LRIG1: variants seen among roughly 807,000 people sequenced by gnomAD.
LRIG1 encodes the protein leucine rich repeats and immunoglobulin like domains 1.
In LRIG1, 48 loss-of-function variants were observed where a neutral mutation model predicts 99.2. The observed-to-expected ratio is 0.48, with a 90% confidence interval of 0.38 to 0.62. The LOEUF is 0.62. Among genes scored for constraint, LRIG1 ranks in the 20% least tolerant of loss-of-function variants. LRIG1 has a pLI of 0.00. For missense variants in LRIG1, 1,646 were observed against 1,434.4 expected (o/e 1.15, Z -2.38); for synonymous variants, 772 against 596.1 (o/e 1.29, Z -4.30).
chr3:66,385,895 G>A (rs1277392612), intron 13 of LRIG1, 86 bp downstream of exon 13: 3 of 1,225,372 alleles, frequency 2.4e-6, no homozygotes, highest in Non-Finnish European at 3.5e-6. Context: ...TCCTGTCTCA[G>A]TCATCTCTAC....
chr3:66,426,036 G>C (rs997078554), intron 3 of LRIG1, among the ~76,000 whole-genome samples: 4 of 152,176 alleles, frequency 2.6e-5, no homozygotes, highest in African/African-American at 9.7e-5. Flanking sequence ...ATTCCCGTTA[G>C]TGGTGGAAAA....
At chr3:66,418,888 C>T (rs13066927) in intron 3 of LRIG1, among the ~76,000 whole-genome samples, 30,015 of 152,020 alleles carry the variant, frequency 0.2, 3,068 homozygotes, top group Admixed American at 0.26. Context: ...AGAACCTCCC[C>T]GGCATGAAAG....
At chr3:66,446,035 A>G (rs918421502) in intron 3 of LRIG1, among the ~76,000 whole-genome samples, 5 of 152,260 alleles carry the variant, frequency 3.3e-5, no homozygotes, top group South Asian at 2.1e-4. Flanking sequence ...GCCTCTCTCT[A>G]AGGCTCACTC....
At position 66,405,787 on chromosome 3, in the gene LRIG1, T is replaced by C. The variant is rs571244886; in HGVS notation, c.1080-509A>G. On this transcript the variant is annotated intron_variant, in intron 8 of 18. Transcript: ENST00000273261. ...GGTCTGGAGCCCGGAGCCCATCTCC[T>C]CCCAAGGCCTGCAGGGCGCTGACTC... 9 of 1,184,314 alleles carry C rather than the reference T, an allele frequency of 7.6e-6. No individual in the cohort carries two copies. The South Asian group carries it at 1.5e-4, about 19-fold the overall frequency. 73.4% of individuals were successfully genotyped at this position (1,184,314 alleles called of 1,614,324 possible).
intron 16 of LRIG1, 146 bp from the exon 17 acceptor site, chr3:66,381,777 G>A (rs371199427): frequency 2.0e-5 from 17 of 858,352 alleles, no homozygotes; most frequent in Middle Eastern, 3.6e-4. Context: ...GGCAAGCAGC[G>A]TGTTTTCTGC....
At chr3:66,447,271 G>A (rs930094775) in intron 3 of LRIG1, among the ~76,000 whole-genome samples, 4 of 151,986 alleles carry the variant, frequency 2.6e-5, no homozygotes, top group East Asian at 3.9e-4. Context: ...AGTTATTATT[G>A]GCTATAGTCA....
chr3:66,412,346 C>T (rs1702493417), intron 6 of LRIG1, among the ~76,000 whole-genome samples: 1 of 152,204 alleles, frequency 6.6e-6, no homozygotes, highest in Non-Finnish European at 1.5e-5. Context: ...GTCTGTTCCG[C>T]AGCCCCACGT....
chr3:66,433,192 G>A (rs1703236173), intron 3 of LRIG1, among the ~76,000 whole-genome samples: 3 of 152,220 alleles, frequency 2.0e-5, no homozygotes, highest in Non-Finnish European at 1.5e-5. Flanking sequence ...CGCCAGAGAA[G>A]CCACCACCTA....
chr3:66,440,969 C>T (rs574781266), intron 3 of LRIG1, among the ~76,000 whole-genome samples: 2 of 152,296 alleles, frequency 1.3e-5, no homozygotes, highest in South Asian at 4.2e-4. Context: ...ATGCCTGAAT[C>T]AGCGTAAGGT....
At chr3:66,402,600 G>A (rs977073942) in intron 9 of LRIG1, among the ~76,000 whole-genome samples, 1 of 152,114 alleles carries the variant, frequency 6.6e-6, no homozygotes, top group Non-Finnish European at 1.5e-5. Context: ...GAAGGCAGGG[G>A]TCTCTACCTT....
chr3:66,441,916 T>C (rs897265104), intron 3 of LRIG1, among the ~76,000 whole-genome samples: 5 of 152,168 alleles, frequency 3.3e-5, no homozygotes, highest in African/African-American at 1.2e-4. Context: ...CATCTGTAAA[T>C]TGTGCTTAAC....
At chr3:66,401,610 T>A in intron 9 of LRIG1, 2 of 1,522,372 alleles carry the variant, frequency 1.3e-6, no homozygotes, top group Non-Finnish European at 1.8e-6. Flanking sequence ...GGTCCTTACC[T>A]TCCCCCAGCA....
chr3:66,426,087 G>A (rs1204972453), intron 3 of LRIG1, among the ~76,000 whole-genome samples: 1 of 152,160 alleles, frequency 6.6e-6, no homozygotes. Flanking sequence ...AAAGGGCAAG[G>A]AGATCAAAGG....
intron 3 of LRIG1, among the ~76,000 whole-genome samples, chr3:66,426,112 T>C (rs1004794388): frequency 1.3e-5 from 2 of 152,126 alleles, no homozygotes; most frequent in Non-Finnish European, 2.9e-5. Flanking sequence ...TGGGACAAGG[T>C]GGGTCAAGTG....
intron 1 of LRIG1, among the ~76,000 whole-genome samples, chr3:66,474,646 C>T (rs908359306): frequency 2.0e-5 from 3 of 152,114 alleles, no homozygotes; most frequent in Non-Finnish European, 4.4e-5. Context: ...GCACCCGGCC[C>T]CATCTACATT....
At chr3:66,437,024 A>G (rs138962755) in intron 3 of LRIG1, among the ~76,000 whole-genome samples, 205 of 152,244 alleles carry the variant, frequency 1.3e-3, no homozygotes, top group African/African-American at 4.7e-3. Flanking sequence ...TTCCCCCTCA[A>G]TGCCATCTAC....
rs201258084 is a variant in LRIG1, at chr3:66,383,382, G to A, written c.2091C>T (p.Val697=). The A allele has an allele frequency of 3.2e-6, 5 of 1,561,918 alleles. No homozygotes were observed. Among genetic ancestry groups the A allele is most frequent in the Admixed American group, 1.7e-5 (1 of 57,150 alleles). The change falls in exon 15 of 19, where the codon GTC becomes GTT. Residue 697 remains valine (V), a synonymous_variant. Coordinates refer to ENST00000273261, the MANE Select transcript of LRIG1 (RefSeq NM_015541.3). ...CAGATACCACACGGTCTTCCAAGGG[G>A]ACCACCAAGGATGGGGTCTCTACAA... ...LTVLETPSLV[V]PLEDRVVSVG...
intron 1 of LRIG1, among the ~76,000 whole-genome samples, chr3:66,479,880 A>G (rs4856818): frequency 0.75 from 113,539 of 152,248 alleles, 49,019 homozygotes; most frequent in Non-Finnish European, 0.96. Context: ...CTTCTCCAGG[A>G]AACAGTCTAG....
intron 1 of LRIG1, among the ~76,000 whole-genome samples, chr3:66,486,042 C>T (rs73836307): frequency 0.026 from 3,889 of 152,260 alleles, 163 homozygotes; most frequent in African/African-American, 0.087. Flanking sequence ...AGACTCTAAA[C>T]AAGTCATTCA....
Sources: allele counts gnomAD v4.1 joint callset (sites outside exome capture counted in the v4.1 genomes callset), GRCh38; gene constraint gnomAD v4.1.1; transcripts MANE v1.5; gene names NCBI Gene and HGNC (gene_info 2026-07-23, HGNC 2026-07-21).